FSTL4: variants seen among roughly 807,000 people sequenced by gnomAD.
FSTL4 encodes the protein follistatin-related protein 4.
A neutral mutation model predicts 78.2 loss-of-function variants in FSTL4; 28 were observed. The ratio of observed to expected loss-of-function variants is 0.36; its 90% CI spans 0.27 to 0.49. The LOEUF (loss-of-function observed/expected upper bound fraction) is 0.49, where lower values mean the gene tolerates loss of function less well. Among genes scored for constraint, FSTL4 ranks in the 20% least tolerant of loss-of-function variants. The pLI is 0.98. For synonymous variants in FSTL4, 422 were observed against 440.5 expected (o/e 0.96, Z 0.53); for missense variants, 922 against 1,084.9 (o/e 0.85, Z 2.11).
chr5:133,582,161 A>G (rs569371718), intron 2 of FSTL4, among the ~76,000 whole-genome samples: 1 of 152,288 alleles, frequency 6.6e-6, no homozygotes, highest in Admixed American at 6.5e-5. Flanking sequence ...CAGTATCCAG[A>G]ACTCACTGGA....
the FSTL4 span, among the ~76,000 whole-genome samples, chr5:133,805,490 C>T: frequency 1.3e-5 from 2 of 152,210 alleles, no homozygotes; most frequent in Non-Finnish European, 2.9e-5. Context: ...ATGTGACTAT[C>T]GTATCCAGAG....
chr5:133,690,328 C>T, the FSTL4 span, among the ~76,000 whole-genome samples: 2 of 152,080 alleles, frequency 1.3e-5, no homozygotes, highest in Admixed American at 6.6e-5. Flanking sequence ...GAAAGGACTC[C>T]GTAGTTAGGA....
chr5:133,383,568 G>C (rs1755625261), intron 4 of FSTL4, among the ~76,000 whole-genome samples: 1 of 152,188 alleles, frequency 6.6e-6, no homozygotes, highest in South Asian at 2.1e-4. Flanking sequence ...CTGCCTGTCT[G>C]ACTGACAGGC....
the FSTL4 span, among the ~76,000 whole-genome samples, chr5:133,719,026 A>C: frequency 6.6e-6 from 1 of 152,330 alleles, no homozygotes; most frequent in Non-Finnish European, 1.5e-5. Context: ...TGGGGGGAAA[A>C]CCTGGATGAC....
chr5:133,359,322 T>C (rs1755017892), intron 4 of FSTL4, among the ~76,000 whole-genome samples: 1 of 152,234 alleles, frequency 6.6e-6, no homozygotes, highest in African/African-American at 2.4e-5. Context: ...TATCTATCAT[T>C]TTCCTGGTTT....
the FSTL4 span, among the ~76,000 whole-genome samples, chr5:133,724,590 T>C: frequency 6.6e-4 from 100 of 152,342 alleles, 2 homozygotes; most frequent in African/African-American, 2.2e-3. Flanking sequence ...CTCTGAGTTA[T>C]TGAGTTCTGA....
chr5:133,436,103 T>G (rs960681079), intron 3 of FSTL4, among the ~76,000 whole-genome samples: 2 of 152,242 alleles, frequency 1.3e-5, no homozygotes, highest in African/African-American at 4.8e-5. Context: ...ATTCTAAGTA[T>G]AGTATTTATT....
At chr5:133,810,763 G>T in the FSTL4 span, among the ~76,000 whole-genome samples, 1 of 152,152 alleles carries the variant, frequency 6.6e-6, no homozygotes, top group African/African-American at 2.4e-5. Flanking sequence ...TGCAAATGGG[G>T]TCTTTGCCCG....
chr5:133,665,133 C>G, the FSTL4 span, among the ~76,000 whole-genome samples: 4 of 152,158 alleles, frequency 2.6e-5, no homozygotes, highest in African/African-American at 4.8e-5. Context: ...CCAAACCACA[C>G]CAACGACTAA....
chr5:133,377,389 C>T (rs1198957468), intron 4 of FSTL4, among the ~76,000 whole-genome samples: 1 of 152,226 alleles, frequency 6.6e-6, no homozygotes, highest in Non-Finnish European at 1.5e-5. Context: ...TATGCCCACA[C>T]CAAACTCTGG....
At chr5:133,249,158 G>A (rs1276272941) in intron 7 of FSTL4, among the ~76,000 whole-genome samples, 1 of 152,198 alleles carries the variant, frequency 6.6e-6, no homozygotes, top group Non-Finnish European at 1.5e-5. Context: ...CCCGTTCAGA[G>A]GCCTCCTGTC....
chr5:133,653,555 G>A, the FSTL4 span, among the ~76,000 whole-genome samples: 124 of 152,292 alleles, frequency 8.1e-4, no homozygotes, highest in Middle Eastern at 6.8e-3. Context: ...CAGGAAATGA[G>A]TTCTTTGCTG....
In FSTL4 at chr5:133,448,742, G is replaced by C. The variant is rs867549743; in HGVS notation, c.161-47756C>G. ...AGAATCCCCAGGGGTGCGGGGGCGG[G>C]GGGGGGGGGCGCTCAGAATTTTCCG... On this transcript the variant is annotated intron_variant, in intron 3 of 15. Transcript: ENST00000265342. Among the ~76,000 whole-genome samples, 12 of 146,846 alleles carry C rather than the reference G, an allele frequency of 8.2e-5. 2 individuals are homozygous for C. The highest frequency in any genetic ancestry group is 2.2e-4 in the South Asian group (1 of 4,558).
At chr5:133,446,955 C>T (rs1025408337) in intron 3 of FSTL4, among the ~76,000 whole-genome samples, 7 of 152,170 alleles carry the variant, frequency 4.6e-5, no homozygotes. Context: ...GTATTCAGAC[C>T]ACAAGTGGCT....
At chr5:133,633,724 G>A in the FSTL4 span, among the ~76,000 whole-genome samples, 8 of 152,164 alleles carry the variant, frequency 5.3e-5, no homozygotes, top group African/African-American at 1.4e-4. Context: ...TGAAACTCTG[G>A]ATCTTATTTA....
At chr5:133,360,507 G>T (rs1186534995) in intron 4 of FSTL4, among the ~76,000 whole-genome samples, 1 of 137,432 alleles carries the variant, frequency 7.3e-6, no homozygotes, top group African/African-American at 2.7e-5. Context: ...CAACAAGTCA[G>T]CTTTCATTAT....
At chr5:133,420,067 T>C (rs1756661266) in intron 3 of FSTL4, among the ~76,000 whole-genome samples, 1 of 152,194 alleles carries the variant, frequency 6.6e-6, no homozygotes, top group African/African-American at 2.4e-5. Context: ...AAATACTACT[T>C]AGCAATAACA....
intron 3 of FSTL4, among the ~76,000 whole-genome samples, chr5:133,506,407 AC>A (rs1758613424): frequency 6.6e-6 from 1 of 152,190 alleles, no homozygotes; most frequent in Non-Finnish European, 1.5e-5. Context: ...GATTCTATCA[AC>A]TTGTCACTCT....
At chr5:133,801,948 T>A in the FSTL4 span, among the ~76,000 whole-genome samples, 28 of 152,284 alleles carry the variant, frequency 1.8e-4, no homozygotes, top group African/African-American at 6.7e-4. Context: ...TTTCATCTCA[T>A]CAAGATCCAA....
Sources: allele counts gnomAD v4.1 joint callset (sites outside exome capture counted in the v4.1 genomes callset), GRCh38; gene constraint gnomAD v4.1.1; transcripts MANE v1.5; gene names NCBI Gene and HGNC (gene_info 2026-07-23, HGNC 2026-07-21).